C11orf16: variants seen among roughly 807,000 people sequenced by gnomAD.
C11orf16 encodes the protein uncharacterized protein C11orf16.
C11orf16 carries 38 observed loss-of-function variants against 45.1 expected under a neutral mutation model. That is an observed-to-expected ratio of 0.84 (90% CI 0.65 to 1.10). The LOEUF is 1.10. Ranked by LOEUF, C11orf16 falls within the 50% of genes least tolerant of loss-of-function variation. The pLI, the probability that C11orf16 is intolerant of heterozygous loss-of-function variation, is 0.00. For synonymous variants in C11orf16, 221 were observed against 222.0 expected, an observed-to-expected ratio of 1.00 and a Z score of 0.04; for missense variants, 583 against 569.5, an observed-to-expected ratio of 1.02 and a Z score of -0.24.
chr11:8,923,722 G>A (rs2064589730), intron 5 of C11orf16, among the ~76,000 whole-genome samples: 1 of 151,906 alleles, frequency 6.6e-6, no homozygotes, highest in Non-Finnish European at 1.5e-5. Flanking sequence ...TCATACCTCA[G>A]CCTCCCAACT....
chr11:8,921,433 C>T lies in C11orf16; in HGVS notation c.1287G>A (p.Lys429=), dbSNP rs1455743912. 6.2e-7 allele frequency: 1 copy of T among 1,614,074 alleles called. No homozygotes were observed. The highest frequency in any genetic ancestry group is 2.2e-5 in the East Asian group (1 of 44,902). Residue 429 remains lysine, a synonymous_variant, in exon 6 of 7, where the codon AAG becomes AAA. Coordinates refer to ENST00000326053, the MANE Select transcript of C11orf16 (RefSeq NM_020643.3). ...TGTGGGTTGCTTTCGAGACCAGCTC[C>T]TTGGTAGTCCCCACTACTGCAGTTT... is the stretch of plus-strand genomic sequence containing the variant. ...RAQTAVVGTT[K]ELVSKATHMK...
intron 2 of C11orf16, among the ~76,000 whole-genome samples, chr11:8,931,211 T>A (rs202028857): frequency 0.23 from 34,510 of 148,976 alleles, 4,210 homozygotes; most frequent in East Asian, 0.44. Flanking sequence ...GCAAGTCTCT[T>A]TTTTTTTTTT....
intron 6 of C11orf16, 40 bp downstream of exon 6, chr11:8,921,254 G>C: frequency 6.5e-7 from 1 of 1,532,142 alleles, no homozygotes; most frequent in Non-Finnish European, 9.0e-7. Context: ...ACCCATGTGA[G>C]GAGTCCTTAG....
rs1388699878 is a variant in C11orf16 at position 8,925,947 on chromosome 11, G to A, written c.720C>T (p.Ala240=). The A allele has an allele frequency of 6.2e-6, 10 of 1,613,974 alleles. No homozygotes were observed. The highest frequency in any genetic ancestry group is 8.5e-6 in the Non-Finnish European group (10 of 1,180,038). ...TREHPRPLHW[A]PCCSLLGPIT... ...TTGGCCCTAGCAGAGAGCAGCAAGG[G>A]GCCCAGTGAAGGGGCCTGGGGTGCT... Residue 240 remains alanine, a synonymous_variant, in exon 5 of 7, where the codon GCC becomes GCT. Coordinates refer to ENST00000326053, the MANE Select transcript of C11orf16 (RefSeq NM_020643.3).
chr11:8,929,366 C>A lies in C11orf16; in HGVS notation c.324+11G>T. 6.2e-7 allele frequency: 1 copy of A among 1,612,074 alleles called. No homozygotes were observed. The highest frequency in any genetic ancestry group is 8.5e-7 in the Non-Finnish European group (1 of 1,178,924). ...GAGCACGCCAGGGAGATACTGGGGT[C>A]AGGGACTTGCCTCGGGAGTGGCCTT... On this transcript the variant is annotated intron_variant, in intron 3 of 6. Transcript: ENST00000326053.
chr11:8,927,121 G>A lies in C11orf16; in HGVS notation c.378C>T (p.Gly126=). 6.2e-7 allele frequency: 1 copy of A among 1,614,128 alleles called. No individual in the cohort carries two copies. Among genetic ancestry groups the A allele is most frequent in the South Asian group, 1.1e-5 (1 of 91,088 alleles). Residue 126 remains glycine, a synonymous_variant, in exon 4 of 7, where the codon GGC becomes GGT. Transcript: ENST00000326053. ...LVEFEAPLVA[G]PKLPAQQQRV... Reference sequence around the variant, plus strand: ...TCTGCTGCTGGGCTGGCAGCTTTGGGCCTGCGACAAGAGGAGCCTCGAATT... The same window carrying A: ...TCTGCTGCTGGGCTGGCAGCTTTGGACCTGCGACAAGAGGAGCCTCGAATT...
rs2064560690 is a variant in C11orf16, at chr11:8,920,302, T to C, written c.*171A>G. ...CTCACAACAGGTGCCTTCCTGCTGC[T>C]TATCTGCAGGGAGGTCTTCGTGGGG... On this transcript the variant is annotated 3_prime_UTR_variant, in exon 7 of 7. Transcript: ENST00000326053. 2.0e-6 allele frequency: 1 copy of C among 504,154 alleles called. No individual in the cohort carries two copies. The highest frequency in any genetic ancestry group is 3.5e-6 in the Non-Finnish European group (1 of 286,820). 31.2% of individuals were successfully genotyped at this position (504,154 alleles called of 1,614,324 possible). A position where few individuals can be genotyped will look rare whatever the true frequency, so the allele number is the denominator to read the frequency against.
rs753697296 is a variant in C11orf16 at position 8,929,379 on chromosome 11, C to T, written c.322G>A (p.Glu108Lys). 1.1e-5 allele frequency: 17 copies of T among 1,613,152 alleles called. No homozygotes were observed. The highest frequency in any genetic ancestry group is 3.3e-5 in the South Asian group (3 of 90,912). Residue 108 changes from glutamate to lysine, a missense_variant and splice_region_variant, in exon 3 of 7, where the codon GAG becomes AAG. Coordinates refer to ENST00000326053, the MANE Select transcript of C11orf16 (RefSeq NM_020643.3). ...YYRAQIKATP[E>K]LERQGVLLVE... Reference sequence around the variant, plus strand: ...AGATACTGGGGTCAGGGACTTGCCTCGGGAGTGGCCTTTATTTGGGCCCGG... The same window carrying T: ...AGATACTGGGGTCAGGGACTTGCCTTGGGAGTGGCCTTTATTTGGGCCCGG...
rs181485043 is a variant in C11orf16 at position 8,922,078 on chromosome 11, T to C, written c.1205-563A>G. Among the ~76,000 whole-genome samples, 30 of 152,368 alleles carry C rather than the reference T, an allele frequency of 2.0e-4. No individual in the cohort carries two copies. In the East Asian group the frequency reaches 5.8e-3, roughly 29 times the overall value. On this transcript the variant is annotated intron_variant, in intron 5 of 6. Coordinates refer to ENST00000326053, the MANE Select transcript of C11orf16 (RefSeq NM_020643.3). ...AGATTTGGAGTTGTGAAGAAGTTAT[T>C]GGATGTGTCTTCTAAACTGCCAGTA...
chr11:8,921,992 G>A (rs1051862565), intron 5 of C11orf16, among the ~76,000 whole-genome samples: 1 of 152,018 alleles, frequency 6.6e-6, no homozygotes, highest in Admixed American at 6.6e-5. Context: ...TCTATTTTTA[G>A]AGAAAAAAAT....
intron 5 of C11orf16, among the ~76,000 whole-genome samples, chr11:8,923,038 C>T (rs187901497): frequency 4.6e-5 from 7 of 152,294 alleles, no homozygotes; most frequent in Admixed American, 2.0e-4. Flanking sequence ...CAGGAAAGCC[C>T]GGCCAAGTAC....
In C11orf16 at chr11:8,929,206, A is replaced by G. The variant is rs1364922247; in HGVS notation, c.324+171T>C. On this transcript the variant is annotated intron_variant, in intron 3 of 6. Transcript: ENST00000326053. ...TTGTTGCACTTTGTTAGGGAGCCCTAGCAAACTAATACACTCAATGGTATT... is the reference window on the plus strand; with the variant it reads ...TTGTTGCACTTTGTTAGGGAGCCCTGGCAAACTAATACACTCAATGGTATT... 3 of 646,494 alleles carry G rather than the reference A, an allele frequency of 4.6e-6. No homozygotes were observed. In the African/African-American group the frequency reaches 5.5e-5, roughly 12 times the overall value. The allele number at this position is 646,494 out of a possible 1,614,324, so 40.0% of individuals were successfully genotyped here.
In C11orf16 at chr11:8,929,384, G is replaced by A. The variant is rs756931714; in HGVS notation, c.317C>T (p.Thr106Ile). ...GFYYRAQIKA[T>I]PELERQGVLL... ...CTGGGGTCAGGGACTTGCCTCGGGA[G>A]TGGCCTTTATTTGGGCCCGGTAGTA... Residue 106 changes from threonine (T) to isoleucine (I), a missense_variant, in exon 3 of 7, where the codon ACT becomes ATT. By Grantham distance (89) the Thr-to-Ile change is moderately conservative (BLOSUM62 -1). Coordinates refer to ENST00000326053, the MANE Select transcript of C11orf16 (RefSeq NM_020643.3). 1.9e-6 allele frequency: 3 copies of A among 1,613,856 alleles called. No individual in the cohort carries two copies. The highest frequency in any genetic ancestry group is 2.5e-6 in the Non-Finnish European group (3 of 1,179,860).
chr11:8,925,698 C>T lies in C11orf16; in HGVS notation c.969G>A (p.Glu323=). The T allele has an allele frequency of 6.2e-7, 1 of 1,614,272 alleles. No individual in the cohort carries two copies. The highest frequency in any genetic ancestry group is 8.5e-7 in the Non-Finnish European group (1 of 1,180,048). ...AQLLPLEGPK[E]EKVAMHAPLA... ...GGGGAGCGTGCATTGCTACTTTCTCCTCTTTAGGACCTTCCAGGGGCAAAA... is the reference window on the plus strand; with the variant it reads ...GGGGAGCGTGCATTGCTACTTTCTCTTCTTTAGGACCTTCCAGGGGCAAAA... Residue 323 remains glutamate (E), a synonymous_variant, in exon 5 of 7, where the codon GAG becomes GAA. Coordinates refer to ENST00000326053, the MANE Select transcript of C11orf16 (RefSeq NM_020643.3).
Position 8,925,605 on chromosome 11 carries a change from G to A in C11orf16, c.1062C>T (p.Gly354=), listed in dbSNP as rs770202188. 1.2e-6 allele frequency: 2 copies of A among 1,614,240 alleles called. No individual in the cohort carries two copies. The highest frequency in any genetic ancestry group is 2.2e-5 in the East Asian group (1 of 44,890). The change falls in exon 5 of 7, where the codon GGC becomes GGT. Residue 354 remains glycine (G), a synonymous_variant. Transcript: ENST00000326053. ...QDGVENDLEM[G]PPQRLMVNSA... ...TGTTCACCATCAGTCTCTGGGGAGG[G>A]CCCATCTCCAGATCATTCTCCACAC...
chr11:8,922,432 A>G (rs1254894257), intron 5 of C11orf16, among the ~76,000 whole-genome samples: 1 of 152,152 alleles, frequency 6.6e-6, no homozygotes, highest in African/African-American at 2.4e-5. Context: ...CTTCCTGAGG[A>G]ATAGACCAAT....
Position 8,931,967 on chromosome 11 carries a change from A to G in C11orf16, c.167+175T>C, listed in dbSNP as rs926292134. 9.5e-4 allele frequency among the ~76,000 whole-genome samples: 145 copies of G among 152,350 alleles called. 11 individuals are homozygous for G. The highest frequency in any genetic ancestry group is 4.3e-4 in the Non-Finnish European group (29 of 68,040). ...AACCCTGGAGGGCTCTGGGAGCACAATGTAGGCTGGAGTGACAGACCCCAC... is the reference window on the plus strand; with the variant it reads ...AACCCTGGAGGGCTCTGGGAGCACAGTGTAGGCTGGAGTGACAGACCCCAC... On this transcript the variant is annotated intron_variant, in intron 2 of 6. Coordinates refer to ENST00000326053, the MANE Select transcript of C11orf16 (RefSeq NM_020643.3).
chr11:8,931,543 C>G (rs554252691), intron 2 of C11orf16, among the ~76,000 whole-genome samples: 2 of 152,220 alleles, frequency 1.3e-5, no homozygotes, highest in Non-Finnish European at 2.9e-5. Flanking sequence ...TCACCCGCCA[C>G]CATGCCTGGC....
chr11:8,921,910 C>A (rs1265749600), intron 5 of C11orf16, among the ~76,000 whole-genome samples: 1 of 152,156 alleles, frequency 6.6e-6, no homozygotes, highest in Non-Finnish European at 1.5e-5. Flanking sequence ...CAAAGTGTTG[C>A]AGTTACAGGT....
Sources: gnomAD v4.1 joint callset for allele counts (sites outside exome capture counted in the v4.1 genomes callset) on GRCh38, gnomAD v4.1.1 for gene constraint, MANE v1.5 for transcripts, NCBI Gene and HGNC (gene_info 2026-07-23, HGNC 2026-07-21) for gene names.